Variants in SHISA9 observed in about 807,000 individuals in gnomAD.
SHISA9 encodes protein shisa-9.
SHISA9 carries 13 observed loss-of-function variants against 38.0 expected under a neutral mutation model. The ratio of observed to expected loss-of-function variants is 0.34; its 90% CI spans 0.22 to 0.54. The LOEUF (loss-of-function observed/expected upper bound fraction) is 0.54. Among genes scored for constraint, SHISA9 ranks in the 20% least tolerant of loss-of-function variants. The pLI, the probability that SHISA9 is intolerant of heterozygous loss-of-function variation, is 0.91. For synonymous variants in SHISA9, 275 were observed against 242.0 expected, an observed-to-expected ratio of 1.14 and a Z score of -1.27; for missense variants, 538 against 575.8, an observed-to-expected ratio of 0.93 and a Z score of 0.67.
intron 4 of SHISA9, among the ~76,000 whole-genome samples, chr16:13,223,640 T>C (rs1224406486): frequency 6.6e-6 from 1 of 152,168 alleles, no homozygotes; most frequent in Non-Finnish European, 1.5e-5. Context: ...TCTGTTCTCA[T>C]GCTGCGAATA....
At chr16:13,391,066 TAAAG>T in the SHISA9 span, among the ~76,000 whole-genome samples, 10 of 151,774 alleles carry the variant, frequency 6.6e-5, no homozygotes, top group Non-Finnish European at 1.3e-4. Context: ...GGATGAGAAT[TAAAG>T]AGAGGGTAGA....
At chr16:12,985,601 T>A (rs981299030) in intron 2 of SHISA9, among the ~76,000 whole-genome samples, 1 of 152,170 alleles carries the variant, frequency 6.6e-6, no homozygotes, top group African/African-American at 2.4e-5. Context: ...AAAAGTAATG[T>A]TGAGTACCAG....
At chr16:13,155,803 C>A (rs774328296) in intron 2 of SHISA9, among the ~76,000 whole-genome samples, 2 of 152,148 alleles carry the variant, frequency 1.3e-5, no homozygotes, top group South Asian at 4.2e-4. Context: ...ACTTCCCCCT[C>A]TCCCCCTACC....
intron 2 of SHISA9, among the ~76,000 whole-genome samples, chr16:13,163,813 G>C (rs1344742498): frequency 6.6e-6 from 1 of 151,950 alleles, no homozygotes; most frequent in East Asian, 1.9e-4. Flanking sequence ...ATACAACGGA[G>C]TTTGGTATGT....
At chr16:13,323,619 C>T in the SHISA9 span, among the ~76,000 whole-genome samples, 9 of 152,204 alleles carry the variant, frequency 5.9e-5, no homozygotes, top group South Asian at 2.1e-4. Flanking sequence ...CAGTTCCGCA[C>T]GCCTGGGGAG....
chr16:12,976,306 A>T (rs982262149), intron 2 of SHISA9, among the ~76,000 whole-genome samples: 3 of 151,978 alleles, frequency 2.0e-5, no homozygotes, highest in African/African-American at 7.2e-5. Flanking sequence ...GGCCAGGCTG[A>T]TCTTGAGCTC....
intron 2 of SHISA9, among the ~76,000 whole-genome samples, chr16:13,075,910 C>A (rs532324523): frequency 3.1e-4 from 47 of 152,232 alleles, no homozygotes; most frequent in African/African-American, 1.1e-3. Context: ...TTAGCAACAT[C>A]CTTGGCTTCT....
intron 2 of SHISA9, among the ~76,000 whole-genome samples, chr16:13,101,829 G>A (rs113420484): frequency 0.021 from 3,168 of 152,250 alleles, 47 homozygotes; most frequent in Middle Eastern, 0.037. Context: ...TCCAACAGGT[G>A]TGAAGGGATA....
At chr16:12,930,299 A>G (rs2071446836) in intron 2 of SHISA9, among the ~76,000 whole-genome samples, 1 of 152,204 alleles carries the variant, frequency 6.6e-6, no homozygotes, top group South Asian at 2.1e-4. Context: ...ATTCATTGGG[A>G]TCTTATTTCT....
At chr16:13,094,171 A>G (rs1469263874) in intron 2 of SHISA9, among the ~76,000 whole-genome samples, 1 of 152,200 alleles carries the variant, frequency 6.6e-6, no homozygotes, top group African/African-American at 2.4e-5. Context: ...GATAAGGTAA[A>G]GTATGACAAA....
At chr16:13,175,207 A>G (rs2050721203) in intron 2 of SHISA9, among the ~76,000 whole-genome samples, 1 of 151,942 alleles carries the variant, frequency 6.6e-6, no homozygotes, top group African/African-American at 2.4e-5. Flanking sequence ...TCTCTCCAAA[A>G]AAAAAAGAAA....
At chr16:13,334,142 C>T in the SHISA9 span, among the ~76,000 whole-genome samples, 1 of 152,154 alleles carries the variant, frequency 6.6e-6, no homozygotes, top group Admixed American at 6.5e-5. Flanking sequence ...GAAAGCAGAT[C>T]CCTTTTCTCT....
intron 2 of SHISA9, among the ~76,000 whole-genome samples, chr16:12,953,091 G>C (rs982422763): frequency 6.6e-5 from 10 of 151,940 alleles, no homozygotes; most frequent in Non-Finnish European, 1.3e-4. Context: ...AATAGAAGGT[G>C]ATGTGTGTGG....
At chr16:13,290,731 A>G in the SHISA9 span, among the ~76,000 whole-genome samples, 127 of 152,120 alleles carry the variant, frequency 8.3e-4, no homozygotes, top group African/African-American at 2.0e-3. Flanking sequence ...ACTGTGATAA[A>G]GAGCTTGGGA....
At chr16:13,176,850 C>A (rs558582352) in intron 2 of SHISA9, among the ~76,000 whole-genome samples, 1 of 152,330 alleles carries the variant, frequency 6.6e-6, no homozygotes, top group Admixed American at 6.5e-5. Flanking sequence ...CACACCTCTT[C>A]TCCCCTCTCT....
chr16:13,211,977 C>G (rs993373766), intron 3 of SHISA9, among the ~76,000 whole-genome samples: 1 of 152,176 alleles, frequency 6.6e-6, no homozygotes, highest in African/African-American at 2.4e-5. Flanking sequence ...AACTTCCTCA[C>G]TCTTCTCTCT....
intron 4 of SHISA9, 94 bp from the exon 5 acceptor site, chr16:13,234,935 TG>T: frequency 7.1e-7 from 1 of 1,409,880 alleles, no homozygotes. Context: ...ATGCTGTTCT[TG>T]GGTTGACATG....
At chr16:13,153,333 A>T (rs561913974) in intron 2 of SHISA9, among the ~76,000 whole-genome samples, 7 of 152,124 alleles carry the variant, frequency 4.6e-5, no homozygotes, top group Admixed American at 3.3e-4. Flanking sequence ...GTTTGTTTCT[A>T]TATTGGATTT....
At chr16:13,561,866 T>C in the SHISA9 span, among the ~76,000 whole-genome samples, 2 of 150,736 alleles carry the variant, frequency 1.3e-5, no homozygotes, top group East Asian at 3.9e-4. Context: ...CAAATTAGCT[T>C]AAGAAAAAAA....
Sources: allele counts gnomAD v4.1 joint callset (sites outside exome capture counted in the v4.1 genomes callset), GRCh38; gene constraint gnomAD v4.1.1; transcripts MANE v1.5; gene names NCBI Gene and HGNC (gene_info 2026-07-23, HGNC 2026-07-21).